ST3GAL6: variants seen among roughly 807,000 people sequenced by gnomAD.
ST3GAL6 encodes the protein ST3 beta-galactoside alpha-2,3-sialyltransferase 6.
ST3GAL6 carries 31 observed loss-of-function variants against 40.5 expected under a neutral mutation model. That is an observed-to-expected ratio of 0.77 (90% CI 0.58 to 1.03). The LOEUF (loss-of-function observed/expected upper bound fraction) is 1.03. Ranked by LOEUF, ST3GAL6 falls within the 50% of genes least tolerant of loss-of-function variation. The pLI, the probability that ST3GAL6 is intolerant of heterozygous loss-of-function variation, is 0.00. For missense variants in ST3GAL6, 357 were observed against 393.2 expected (o/e 0.91, Z 0.78); for synonymous variants, 129 against 136.9 (o/e 0.94, Z 0.40).
At chr3:98,790,077 G>A (rs1000560014) in intron 8 of ST3GAL6, among the ~76,000 whole-genome samples, 3 of 152,142 alleles carry the variant, frequency 2.0e-5, no homozygotes, top group Admixed American at 1.3e-4. Context: ...AAGAGAACCT[G>A]GGACATGAGC....
intron 1 of ST3GAL6, among the ~76,000 whole-genome samples, chr3:98,738,208 A>G (rs540200102): frequency 6.6e-6 from 1 of 151,198 alleles, no homozygotes; most frequent in African/African-American, 2.4e-5. Context: ...TGCTTTCCGT[A>G]CAGCCTGAAG....
chr3:98,752,047 C>G (rs762280241), intron 1 of ST3GAL6, among the ~76,000 whole-genome samples: 49 of 152,114 alleles, frequency 3.2e-4, no homozygotes, highest in Non-Finnish European at 3.4e-4. Flanking sequence ...GAGACCATAG[C>G]AGCAGAAAAA....
chr3:98,771,789 G>A lies in ST3GAL6; in HGVS notation c.167+833G>A, dbSNP rs748376850. Among the ~76,000 whole-genome samples, 5 of 152,116 alleles carry A rather than the reference G, an allele frequency of 3.3e-5. No individual in the cohort carries two copies. The East Asian group carries it at 7.7e-4, about 23-fold the overall frequency. On this transcript the variant is annotated intron_variant, in intron 3 of 9. Transcript: ENST00000483910. Reference sequence around the variant, plus strand: ...CTATGGCTGCCTGTAGCCTTTCCAGGGGTGTGCGTCCAGTGAGGACCACTG... The same window carrying A: ...CTATGGCTGCCTGTAGCCTTTCCAGAGGTGTGCGTCCAGTGAGGACCACTG...
intron 4 of ST3GAL6, 168 bp downstream of exon 4, chr3:98,773,084 T>A (rs1289277890): frequency 8.2e-6 from 4 of 488,966 alleles, no homozygotes; most frequent in Non-Finnish European, 1.5e-5. Context: ...ATATAAATTA[T>A]CACTCCTTTT....
At chr3:98,772,004 G>A (rs572750909) in intron 3 of ST3GAL6, among the ~76,000 whole-genome samples, 2 of 152,212 alleles carry the variant, frequency 1.3e-5, no homozygotes, top group East Asian at 3.9e-4. Flanking sequence ...TCACAAAATT[G>A]ATTTTCTGAG....
chr3:98,733,861 G>T (rs1426701002), intron 1 of ST3GAL6, among the ~76,000 whole-genome samples: 2 of 152,192 alleles, frequency 1.3e-5, no homozygotes, highest in African/African-American at 4.8e-5. Flanking sequence ...GCTGTTGAAA[G>T]GTAATGTTTA....
chr3:98,751,738 T>A (rs890196973), intron 1 of ST3GAL6, among the ~76,000 whole-genome samples: 2 of 152,230 alleles, frequency 1.3e-5, no homozygotes, highest in African/African-American at 4.8e-5. Flanking sequence ...GGTTTTGATG[T>A]ACCTTACTTT....
At chr3:98,776,450 G>A (rs2107237454) in intron 5 of ST3GAL6, among the ~76,000 whole-genome samples, 1 of 152,310 alleles carries the variant, frequency 6.6e-6, no homozygotes, top group Middle Eastern at 3.4e-3. Flanking sequence ...TTTGGCAGGA[G>A]AGTCCTCCCT....
chr3:98,787,133 A>G (rs1940805076), intron 6 of ST3GAL6, among the ~76,000 whole-genome samples: 1 of 152,092 alleles, frequency 6.6e-6, no homozygotes, highest in South Asian at 2.1e-4. Flanking sequence ...TCTGTTTACT[A>G]TCCATTTTGA....
At chr3:98,748,344 CAG>C (rs764524846) in intron 1 of ST3GAL6, among the ~76,000 whole-genome samples, 2 of 152,164 alleles carry the variant, frequency 1.3e-5, no homozygotes, top group Non-Finnish European at 2.9e-5. Flanking sequence ...TCTGTAGAGT[CAG>C]AATAGTAGTG....
intron 3 of ST3GAL6, chr3:98,771,211 T>C (rs1298454710): frequency 2.2e-6 from 3 of 1,335,542 alleles, no homozygotes; most frequent in Non-Finnish European, 3.0e-6. Context: ...AGAGGTCTAT[T>C]TGTGTTTGAT....
chr3:98,793,878 C>T lies in ST3GAL6; in HGVS notation c.*117C>T. The stretch of plus-strand genomic sequence containing the variant: ...TAATTATGTATACTGTCTGTTGCTG[C>T]CTGGTGATTCATAACCACCAGCTTA... On this transcript the variant is annotated 3_prime_UTR_variant, in exon 10 of 10. Transcript: ENST00000483910. 2 of 497,626 alleles carry T rather than the reference C, an allele frequency of 4.0e-6. No homozygotes were observed. Among genetic ancestry groups the T allele is most frequent in the Admixed American group, 4.1e-5 (1 of 24,448 alleles). The allele number at this position is 497,626 out of a possible 1,614,324, so 30.8% of individuals were successfully genotyped here. A position where few individuals can be genotyped will look rare whatever the true frequency, so the allele number is the denominator to read the frequency against.
intron 5 of ST3GAL6, among the ~76,000 whole-genome samples, chr3:98,780,982 A>T (rs1940053318): frequency 1.3e-5 from 2 of 152,240 alleles, no homozygotes; most frequent in Admixed American, 1.3e-4. Flanking sequence ...ATAAATCATT[A>T]TACTATATAG....
chr3:98,732,930 G>C lies in ST3GAL6; in HGVS notation c.-12+398G>C, dbSNP rs1298338682. 14 of 1,509,166 alleles carry C rather than the reference G, an allele frequency of 9.3e-6. No individual in the cohort carries two copies. In the East Asian group the frequency reaches 1.8e-4, roughly 20 times the overall value. The allele number at this position is 1,509,166 out of a possible 1,614,324, so 93.5% of individuals were successfully genotyped here. ...AGCGGCCCCTCAGGTCTCGGAGCCC[G>C]GTGCGCCTCTGCGGTCGTCGCTCCT... On this transcript the variant is annotated intron_variant, in intron 1 of 9. Coordinates refer to the ST3GAL6 transcript ENST00000265261.
chr3:98,790,828 C>T (rs1941135623), intron 8 of ST3GAL6, among the ~76,000 whole-genome samples: 1 of 151,888 alleles, frequency 6.6e-6, no homozygotes, highest in African/African-American at 2.4e-5. Context: ...AAGTAGAAGA[C>T]ATGAAAAGGG....
At position 98,740,161 on chromosome 3, in the gene ST3GAL6, C is replaced by T. The variant is rs563298208; in HGVS notation, c.-12+7629C>T. 2.0e-5 allele frequency among the ~76,000 whole-genome samples: 3 copies of T among 150,190 alleles called. No individual in the cohort carries two copies. In the East Asian group the frequency reaches 5.9e-4, roughly 29 times the overall value. On this transcript the variant is annotated intron_variant, in intron 1 of 9. Transcript: ENST00000265261. ...TGTGTGTTTTCTGATCACCAAGTAACTATAAATATTTTGCACACACTGAAT... is the reference window on the plus strand; with the variant it reads ...TGTGTGTTTTCTGATCACCAAGTAATTATAAATATTTTGCACACACTGAAT...
intron 1 of ST3GAL6, among the ~76,000 whole-genome samples, chr3:98,745,769 A>G (rs1181166612): frequency 6.6e-6 from 1 of 152,128 alleles, no homozygotes; most frequent in East Asian, 1.9e-4. Context: ...CCCTTGGAGG[A>G]GGGAGTTTTA....
At chr3:98,772,631 CATTCT>C (rs3836214) in intron 3 of ST3GAL6, among the ~76,000 whole-genome samples, 177 bp from the exon 4 acceptor site, 8,436 of 152,052 alleles carry the variant, frequency 0.055, 248 homozygotes, top group African/African-American at 0.076. Context: ...TTAAGTACCC[CATTCT>C]ATGCAATATT....
In ST3GAL6 at chr3:98,773,994, T is replaced by C. The variant is rs770054524; in HGVS notation, c.335+11T>C. 6.2e-7 allele frequency: 1 copy of C among 1,607,462 alleles called. No individual in the cohort carries two copies. The highest frequency in any genetic ancestry group is 8.5e-7 in the Non-Finnish European group (1 of 1,174,612). ...TGATGAGTTTGACAAGTGAGTTTAT[T>C]TCCTTGCTTCTAGTCTGGCTTTTAG... On this transcript the variant is annotated intron_variant, in intron 5 of 9. Coordinates refer to ENST00000483910, the MANE Select transcript of ST3GAL6 (RefSeq NM_001323368.2).
Sources: allele counts gnomAD v4.1 joint callset (sites outside exome capture counted in the v4.1 genomes callset), GRCh38; gene constraint gnomAD v4.1.1; transcripts MANE v1.5; gene names NCBI Gene and HGNC (gene_info 2026-07-23, HGNC 2026-07-21).